HS6ST3: variants seen among roughly 807,000 people sequenced by gnomAD.
HS6ST3 encodes heparan sulfate 6-O-sulfotransferase 3, also known as heparan-sulfate 6-O-sulfotransferase 3.
HS6ST3 carries 12 observed loss-of-function variants against 36.7 expected under a neutral mutation model. That is an observed-to-expected ratio of 0.33 (90% CI 0.21 to 0.53). The LOEUF (loss-of-function observed/expected upper bound fraction) is 0.53. HS6ST3 is among the 20% of genes least tolerant of loss of function. The pLI, the probability that HS6ST3 is intolerant of heterozygous loss-of-function variation, is 0.95. For synonymous variants in HS6ST3, 240 were observed against 257.5 expected (o/e 0.93, Z 0.65); for missense variants, 584 against 640.9 (o/e 0.91, Z 0.96).
At chr13:96,512,885 G>T (rs9513157) in intron 1 of HS6ST3, among the ~76,000 whole-genome samples, 2,400 of 148,096 alleles carry the variant, frequency 0.016, 30 homozygotes, top group Non-Finnish European at 0.025. Context: ...TCATTTTTTT[G>T]TTGTTGTTGT....
At chr13:96,331,332 TGATGGTGATGTACA>T (rs1255420318) in intron 1 of HS6ST3, among the ~76,000 whole-genome samples, 1 of 151,742 alleles carries the variant, frequency 6.6e-6, no homozygotes, top group African/African-American at 2.4e-5. Context: ...TGGTCTTTGA[TGATGGTGATGTACA>T]GATGGGTTTT....
intron 1 of HS6ST3, among the ~76,000 whole-genome samples, chr13:96,374,493 T>C (rs2139442752): frequency 6.6e-6 from 1 of 152,278 alleles, no homozygotes; most frequent in African/African-American, 2.4e-5. Context: ...CCCTGTCTCT[T>C]CCTGTAGTTC....
In HS6ST3 at chr13:96,837,938, G is replaced by GAATGAAACAGCA. The variant is rs2138555508; in HGVS notation, c.*4740_*4741insAATGAAACAGCA. 1 of 152,138 alleles carries GAATGAAACAGCA rather than the reference G, an allele frequency of 6.6e-6. No homozygotes were observed. The highest frequency in any genetic ancestry group is 2.4e-5 in the African/African-American group (1 of 41,496). The allele number at this position is 152,138 out of a possible 1,614,324, so 9.4% of individuals were successfully genotyped here. On this transcript the variant is annotated 3_prime_UTR_variant, in exon 2 of 2. Transcript: ENST00000376705. ...GCAACATACTGCTTTCATTCTTAAA[G>GAATGAAACAGCA]GTTTCATTGGCTGTTAAATGAGTCC...
chr13:96,238,165 G>A (rs1369333025), intron 1 of HS6ST3, among the ~76,000 whole-genome samples: 6 of 132,360 alleles, frequency 4.5e-5, no homozygotes, highest in Admixed American at 4.2e-4. Flanking sequence ...AAAGAACTCT[G>A]GGGGGTCATC....
intron 1 of HS6ST3, among the ~76,000 whole-genome samples, chr13:96,594,527 A>G (rs1011940562): frequency 6.6e-6 from 1 of 152,112 alleles, no homozygotes; most frequent in Non-Finnish European, 1.5e-5. Flanking sequence ...TATATCTTGT[A>G]GCTATAAAAG....
intron 1 of HS6ST3, among the ~76,000 whole-genome samples, chr13:96,118,649 TATATATATATATATATATATATATATA>T (rs2053905719): frequency 4.5e-4 from 2 of 4,468 alleles, no homozygotes; most frequent in Admixed American, 6.6e-3. Context: ...ATTAAAGATA[TATATATATATATATATATATATATATA>T]TATATATATA....
chr13:96,139,652 A>G (rs1223700071), intron 1 of HS6ST3, among the ~76,000 whole-genome samples: 1 of 151,802 alleles, frequency 6.6e-6, no homozygotes, highest in Non-Finnish European at 1.5e-5. Context: ...TACATCATGA[A>G]GAGATGAAGA....
intron 1 of HS6ST3, among the ~76,000 whole-genome samples, chr13:96,236,031 T>A (rs2054533056): frequency 6.6e-6 from 1 of 152,214 alleles, no homozygotes; most frequent in African/African-American, 2.4e-5. Flanking sequence ...AGAGAGTCCC[T>A]GGCAAACCAC....
intron 1 of HS6ST3, among the ~76,000 whole-genome samples, chr13:96,133,123 A>G (rs2053984094): frequency 6.6e-6 from 1 of 151,542 alleles, no homozygotes; most frequent in Admixed American, 6.6e-5. Flanking sequence ...TTTTTAATTA[A>G]TTAATTAATT....
In HS6ST3 at chr13:96,658,268, C is replaced by CTTTTT. The variant is rs71213623; in HGVS notation, c.708-174196_708-174192dup. Among the ~76,000 whole-genome samples, 31 of 76,170 alleles carry CTTTTT rather than the reference C, an allele frequency of 4.1e-4. 2 individuals are homozygous for CTTTTT. The highest frequency in any genetic ancestry group is 1.1e-3 in the African/African-American group (20 of 18,520). The allele number at this position is 76,170 out of a possible 152,430, so 50.0% of individuals were successfully genotyped here. On this transcript the variant is annotated intron_variant, in intron 1 of 1. Transcript: ENST00000376705. Reference sequence around the variant, plus strand: ...TTCTTCTTCTTCTTCTCTTCTTCTTCTTTTTTTTTTTTTTTTTTTTTTTTT... The same window carrying CTTTTT: ...TTCTTCTTCTTCTTCTCTTCTTCTTCTTTTTTTTTTTTTTTTTTTTTTTTTTTTTT...
At chr13:96,114,177 G>T (rs1184622414) in intron 1 of HS6ST3, among the ~76,000 whole-genome samples, 2 of 150,960 alleles carry the variant, frequency 1.3e-5, no homozygotes. Flanking sequence ...CTAGTGACAG[G>T]ATCAGTCTCT....
intron 1 of HS6ST3, among the ~76,000 whole-genome samples, chr13:96,505,591 G>A (rs2056022981): frequency 6.6e-6 from 1 of 151,946 alleles, no homozygotes; most frequent in Non-Finnish European, 1.5e-5. Context: ...ATGAATTGAG[G>A]AAAACACATT....
chr13:96,176,773 G>T (rs1350510022), intron 1 of HS6ST3, among the ~76,000 whole-genome samples: 1 of 152,158 alleles, frequency 6.6e-6, no homozygotes, highest in Non-Finnish European at 1.5e-5. Flanking sequence ...TGACAAGTGG[G>T]ATCTAATTAC....
At chr13:96,725,094 G>T (rs752484364) in intron 1 of HS6ST3, among the ~76,000 whole-genome samples, 5 of 152,198 alleles carry the variant, frequency 3.3e-5, no homozygotes, top group African/African-American at 7.2e-5. Context: ...AGCAGTATCT[G>T]ATAGTGCTTT....
chr13:96,668,686 CTTTTTTTTTTTTTTTTTTTTTTTT>C (rs146033180), intron 1 of HS6ST3, among the ~76,000 whole-genome samples: 12,705 of 59,474 alleles, frequency 0.21, 922 homozygotes, highest in Admixed American at 0.37. Context: ...TAGTGCCAAC[CTTTTTTTTTTTTTTTTTTTTTTTT>C]TTTTTTTTTT....
intron 1 of HS6ST3, among the ~76,000 whole-genome samples, chr13:96,740,163 C>T (rs562828663): frequency 6.6e-6 from 1 of 152,136 alleles, no homozygotes; most frequent in South Asian, 2.1e-4. Flanking sequence ...CCTGTCTCCC[C>T]ACACCAGAAT....
At chr13:96,783,502 G>A (rs1877573260) in intron 1 of HS6ST3, among the ~76,000 whole-genome samples, 1 of 151,368 alleles carries the variant, frequency 6.6e-6, no homozygotes, top group South Asian at 2.1e-4. Flanking sequence ...TTAAGAAATT[G>A]TGAATCCTAC....
chr13:96,712,518 A>C (rs1471885446), intron 1 of HS6ST3, among the ~76,000 whole-genome samples: 1 of 152,166 alleles, frequency 6.6e-6, no homozygotes, highest in Non-Finnish European at 1.5e-5. Context: ...GGGGGTTCAA[A>C]GGTATTGTGT....
intron 1 of HS6ST3, among the ~76,000 whole-genome samples, chr13:96,655,089 A>AGCCT (rs550956692): frequency 9.7e-4 from 148 of 152,272 alleles, no homozygotes; most frequent in Admixed American, 1.8e-3. Context: ...AAGGAAAAAG[A>AGCCT]TCACCTGAGC....
Sources: allele counts gnomAD v4.1 joint callset (sites outside exome capture counted in the v4.1 genomes callset), GRCh38; gene constraint gnomAD v4.1.1; transcripts MANE v1.5; gene names NCBI Gene and HGNC (gene_info 2026-07-23, HGNC 2026-07-21).